The following SYTL2 variants were observed in gnomAD, a reference collection of about 807,000 sequenced individuals.
SYTL2 encodes the protein synaptotagmin like 2.
SYTL2 carries 165 observed loss-of-function variants against 198.7 expected under a neutral mutation model. The observed-to-expected ratio is 0.83, with a 90% CI of 0.73 to 0.94. SYTL2 has a LOEUF of 0.94. SYTL2 is among the 40% of genes least tolerant of loss of function. The pLI is 0.00. For missense variants in SYTL2, 2,835 were observed against 2,582.8 expected (o/e 1.10, Z -2.12); for synonymous variants, 966 against 917.7 (o/e 1.05, Z -0.95).
the SYTL2 span, among the ~76,000 whole-genome samples, chr11:85,816,474 T>C: frequency 6.6e-6 from 1 of 152,124 alleles, no homozygotes; most frequent in South Asian, 2.1e-4. Flanking sequence ...TACCAGGGGC[T>C]AGGGAGGAGA....
At chr11:85,767,265 G>C (rs2092261825) in intron 1 of SYTL2, among the ~76,000 whole-genome samples, 1 of 152,170 alleles carries the variant, frequency 6.6e-6, no homozygotes, top group African/African-American at 2.4e-5. Flanking sequence ...ATTGGAGCTA[G>C]GACATGCAGA....
chr11:85,837,754 C>G, the SYTL2 span, among the ~76,000 whole-genome samples: 1 of 152,110 alleles, frequency 6.6e-6, no homozygotes, highest in South Asian at 2.1e-4. Context: ...AGAATGGAGC[C>G]TCTTGATTAT....
chr11:85,820,067 G>T, the SYTL2 span, among the ~76,000 whole-genome samples: 1 of 152,038 alleles, frequency 6.6e-6, no homozygotes, highest in Non-Finnish European at 1.5e-5. Context: ...TCCTAACCTA[G>T]GTTCTTTATT....
chr11:85,726,972 T>G lies in SYTL2; in HGVS notation c.2386A>C (p.Ile796Leu). Reference protein sequence around the residue: ...REKYKRVSDRISFWEGEKAGA... With the variant: ...REKYKRVSDRLSFWEGEKAGA... ...GCTTTCTCTCCTTCCCAAAAGGATA[T>G]TCTGTCACTCACTCTTTTGTATTTC... The change falls in exon 8 of 20, where the codon ATA (isoleucine) becomes CTA (leucine). Residue 796 changes from isoleucine to leucine, a missense_variant. Ile to Leu is a conservative substitution (Grantham distance 5). Transcript: ENST00000359152. 6.5e-7 allele frequency: 1 copy of G among 1,536,694 alleles called. No individual in the cohort carries two copies. Among genetic ancestry groups the G allele is most frequent in the South Asian group, 1.2e-5 (1 of 84,046 alleles).
chr11:85,800,809 G>A (rs11234414), intron 1 of SYTL2, among the ~76,000 whole-genome samples: 2,424 of 152,212 alleles, frequency 0.016, 29 homozygotes, highest in Non-Finnish European at 0.027. Flanking sequence ...GTAGAGCCAC[G>A]TCTCCTCCAC....
At chr11:85,733,422 C>A (rs2089999879) in intron 7 of SYTL2, among the ~76,000 whole-genome samples, 1 of 152,000 alleles carries the variant, frequency 6.6e-6, no homozygotes, top group African/African-American at 2.4e-5. Flanking sequence ...ACTGTGCTAT[C>A]CTGGTACTTT....
At chr11:85,843,671 GA>G in the SYTL2 span, among the ~76,000 whole-genome samples, 6 of 152,316 alleles carry the variant, frequency 3.9e-5, 1 homozygote, top group South Asian at 1.2e-3. Context: ...ATGTGACACA[GA>G]AAAGTTTCAC....
At chr11:85,749,311 C>T (rs2091368907) in intron 2 of SYTL2, among the ~76,000 whole-genome samples, 1 of 152,146 alleles carries the variant, frequency 6.6e-6, no homozygotes, top group Non-Finnish European at 1.5e-5. Flanking sequence ...GGAATAAAAG[C>T]TGTAAGGGAA....
In SYTL2 at chr11:85,736,045, T is replaced by C. The variant is rs147903129; in HGVS notation, c.586+456A>G. ...TCCATAGCAGGCTGACTTACATCAA[T>C]TGAGCCACAAACCTGATCAAACGCT... On this transcript the variant is annotated intron_variant, in intron 6 of 19. Coordinates refer to ENST00000359152, the MANE Select transcript of SYTL2 (RefSeq NM_206927.4). Among the ~76,000 whole-genome samples the C allele has an allele frequency of 1.8e-3, 280 of 152,358 alleles. 2 individuals are homozygous for C. The highest frequency in any genetic ancestry group is 6.2e-3 in the African/African-American group (259 of 41,592).
intron 1 of SYTL2, among the ~76,000 whole-genome samples, chr11:85,809,588 T>C (rs2093004196): frequency 2.0e-5 from 3 of 152,224 alleles, no homozygotes; most frequent in African/African-American, 7.2e-5. Context: ...ATTCCAGCTA[T>C]GCTACTTCCT....
chr11:85,780,517 C>T (rs2092541647), intron 1 of SYTL2, among the ~76,000 whole-genome samples: 1 of 152,132 alleles, frequency 6.6e-6, no homozygotes, highest in Non-Finnish European at 1.5e-5. Context: ...TCACTGTGTC[C>T]ATTGGTTTAA....
chr11:85,843,139 C>T, the SYTL2 span, among the ~76,000 whole-genome samples: 3 of 152,026 alleles, frequency 2.0e-5, no homozygotes, highest in East Asian at 1.9e-4. Flanking sequence ...TTTGGGAGGC[C>T]GAGGCGGGCA....
chr11:85,742,066 G>A (rs951052142), intron 4 of SYTL2, among the ~76,000 whole-genome samples: 2 of 152,142 alleles, frequency 1.3e-5, no homozygotes, highest in Admixed American at 1.3e-4. Flanking sequence ...TGTTCTCCCT[G>A]AACTCATTTG....
chr11:85,820,496 A>C, the SYTL2 span, among the ~76,000 whole-genome samples: 2 of 152,236 alleles, frequency 1.3e-5, no homozygotes, highest in African/African-American at 4.8e-5. Context: ...CATCAGCATC[A>C]CCTGGGAACA....
Position 85,726,374 on chromosome 11 carries a change from GA to G in SYTL2, c.2983del (p.Ser995GlnfsTer46), listed in dbSNP as rs1373696324. 6.2e-6 allele frequency: 10 copies of G among 1,613,752 alleles called. No homozygotes were observed. Among genetic ancestry groups the G allele is most frequent in the Non-Finnish European group, 8.5e-6 (10 of 1,179,920 alleles). On this transcript the variant is annotated frameshift_variant, in exon 8 of 20. Transcript: ENST00000359152. LOFTEE classifies it high-confidence loss of function. ...LRKFWDLEAN[S>X]NSKDNDKNIT... Reference sequence around the variant, plus strand: ...ATTCTTGTCATTATCCTTACTGTTTGAATTAGCTTCTAAGTCCCAAAACTTT... The same window carrying G: ...ATTCTTGTCATTATCCTTACTGTTTGATTAGCTTCTAAGTCCCAAAACTTT...
intron 1 of SYTL2, among the ~76,000 whole-genome samples, chr11:85,765,314 G>A (rs1052103338): frequency 2.6e-5 from 4 of 152,144 alleles, no homozygotes; most frequent in Non-Finnish European, 5.9e-5. Flanking sequence ...TCCGCTCACT[G>A]CAACCGCCGC....
chr11:85,816,167 T>A, the SYTL2 span, among the ~76,000 whole-genome samples: 2 of 151,974 alleles, frequency 1.3e-5, no homozygotes, highest in East Asian at 1.9e-4. Flanking sequence ...TCCTTCTCAA[T>A]AAATTAAAAA....
chr11:85,835,755 C>T, the SYTL2 span, among the ~76,000 whole-genome samples: 1 of 152,148 alleles, frequency 6.6e-6, no homozygotes, highest in South Asian at 2.1e-4. Flanking sequence ...GTATTGGAGG[C>T]TTCAAATGTC....
chr11:85,750,737 G>C (rs2091461164), intron 2 of SYTL2, among the ~76,000 whole-genome samples: 1 of 151,768 alleles, frequency 6.6e-6, no homozygotes, highest in South Asian at 2.1e-4. Flanking sequence ...AAGAGATCAA[G>C]AAGATCCTGT....
Sources: gnomAD v4.1 joint callset for allele counts (sites outside exome capture counted in the v4.1 genomes callset) on GRCh38, gnomAD v4.1.1 for gene constraint, MANE v1.5 for transcripts, NCBI Gene and HGNC (gene_info 2026-07-23, HGNC 2026-07-21) for gene names.